The following BMAL2 variants were observed in gnomAD, a reference collection of about 807,000 sequenced individuals.
BMAL2 encodes the protein basic helix-loop-helix ARNT-like protein 2.
chr12:27,354,746 A>G, the BMAL2 span, among the ~76,000 whole-genome samples: 1 of 152,158 alleles, frequency 6.6e-6, no homozygotes. Context: ...CCAAAATCCA[A>G]AACAATCCAA....
chr12:27,420,798 A>G, the BMAL2 span: 1 of 307,478 alleles, frequency 3.3e-6, no homozygotes. Flanking sequence ...AAATATTTCT[A>G]ACCAAGAATA....
At chr12:27,410,852 A>T in the BMAL2 span, among the ~76,000 whole-genome samples, 1 of 152,096 alleles carries the variant, frequency 6.6e-6, no homozygotes. Flanking sequence ...AACATCAAAA[A>T]ATCCAGAATT....
chr12:27,403,358 A>C, the BMAL2 span: 5 of 999,152 alleles, frequency 5.0e-6, no homozygotes, highest in African/African-American at 8.1e-5. Context: ...TCTTTTAAGG[A>C]GAGAACTGTG....
At chr12:27,402,631 G>A in the BMAL2 span, 1 of 1,612,622 alleles carries the variant, frequency 6.2e-7, no homozygotes, top group Non-Finnish European at 8.5e-7. Flanking sequence ...GACATAGTGA[G>A]CCTGGAGAAG....
At chr12:27,333,200 C>A in the BMAL2 span, 1 of 1,148,404 alleles carries the variant, frequency 8.7e-7, no homozygotes, top group Non-Finnish European at 1.1e-6. Flanking sequence ...CCCCGCTGCC[C>A]CGAGGGAAGC....
At chr12:27,355,324 A>T in the BMAL2 span, among the ~76,000 whole-genome samples, 1 of 152,132 alleles carries the variant, frequency 6.6e-6, no homozygotes, top group Non-Finnish European at 1.5e-5. Flanking sequence ...ACAGTGCTCC[A>T]TAGACCCCTT....
the BMAL2 span, among the ~76,000 whole-genome samples, chr12:27,370,604 T>C: frequency 1.3e-5 from 2 of 151,922 alleles, no homozygotes; most frequent in South Asian, 4.2e-4. Context: ...TTCTTTTTTG[T>C]TTTTTGTTTT....
At chr12:27,399,101 A>G in the BMAL2 span, among the ~76,000 whole-genome samples, 1 of 151,906 alleles carries the variant, frequency 6.6e-6, no homozygotes, top group Non-Finnish European at 1.5e-5. Flanking sequence ...AATTTAGGGC[A>G]TCTGTGGCCT....
the BMAL2 span, among the ~76,000 whole-genome samples, chr12:27,398,894 T>G: frequency 6.6e-6 from 1 of 152,224 alleles, no homozygotes. Flanking sequence ...CCATCTAGCT[T>G]TGTTAAATGA....
chr12:27,405,451 G>C, the BMAL2 span, among the ~76,000 whole-genome samples: 2 of 152,224 alleles, frequency 1.3e-5, no homozygotes, highest in East Asian at 3.8e-4. Flanking sequence ...AATATCCGCT[G>C]TTCTGCAGCC....
the BMAL2 span, among the ~76,000 whole-genome samples, chr12:27,403,223 C>G: frequency 6.6e-6 from 1 of 152,158 alleles, no homozygotes; most frequent in African/African-American, 2.4e-5. Flanking sequence ...AGACTGGAGT[C>G]AAGGGTTACT....
chr12:27,332,949 G>A, the BMAL2 span: 4 of 706,208 alleles, frequency 5.7e-6, no homozygotes, highest in South Asian at 2.0e-4. Flanking sequence ...CGCGGCACCC[G>A]GCAGGGCCCG....
the BMAL2 span, among the ~76,000 whole-genome samples, chr12:27,337,041 T>C: frequency 6.7e-6 from 1 of 150,190 alleles, no homozygotes; most frequent in African/African-American, 2.5e-5. Context: ...CACCTGAAAA[T>C]ACTTAAATGG....
the BMAL2 span, among the ~76,000 whole-genome samples, chr12:27,399,929 A>G: frequency 3.3e-5 from 5 of 152,262 alleles, no homozygotes; most frequent in East Asian, 7.7e-4. Flanking sequence ...GCTTCTTCCT[A>G]TGAGTTAATT....
the BMAL2 span, among the ~76,000 whole-genome samples, chr12:27,403,722 G>GA: frequency 8.6e-5 from 13 of 151,642 alleles, no homozygotes; most frequent in East Asian, 2.1e-3. Flanking sequence ...ATACCAACAT[G>GA]AAAAAAAACT....
the BMAL2 span, chr12:27,333,062 T>G: frequency 8.3e-7 from 1 of 1,201,932 alleles, no homozygotes; most frequent in Non-Finnish European, 1.0e-6. Context: ...GCCGACCAAG[T>G]GGCTCCTGCG....
chr12:27,409,882 T>C, the BMAL2 span, among the ~76,000 whole-genome samples: 2 of 151,830 alleles, frequency 1.3e-5, no homozygotes, highest in African/African-American at 2.4e-5. Flanking sequence ...TACAATGAAC[T>C]CCAACAAATT....
the BMAL2 span, chr12:27,380,429 C>T: frequency 1.2e-6 from 2 of 1,612,308 alleles, no homozygotes; most frequent in Non-Finnish European, 1.7e-6. Flanking sequence ...GGCTTCCACA[C>T]TTCGATAAGT....
the BMAL2 span, among the ~76,000 whole-genome samples, chr12:27,360,822 A>AAAAAAAAAAAAAAAAAAAAC: frequency 6.7e-6 from 1 of 150,010 alleles, no homozygotes; most frequent in East Asian, 1.9e-4. Context: ...AAAAAAAAAA[A>AAAAAAAAAAAAAAAAAAAAC]AAACAGTACT....
Sources: allele counts gnomAD v4.1 joint callset (sites outside exome capture counted in the v4.1 genomes callset), GRCh38; gene constraint gnomAD v4.1.1; transcripts MANE v1.5; gene names NCBI Gene and HGNC (gene_info 2026-07-23, HGNC 2026-07-21).